PARD6B: variants seen among roughly 807,000 people sequenced by gnomAD.
PARD6B encodes the protein par-6 family cell polarity regulator beta.
In PARD6B, 4 loss-of-function variants were observed where a neutral mutation model predicts 10.5. The observed-to-expected ratio is 0.38, with a 90% CI of 0.19 to 0.87. The LOEUF is 0.87. Ranked by LOEUF, PARD6B falls within the 40% of genes least tolerant of loss-of-function variation. PARD6B has a pLI of 0.41. For synonymous variants in PARD6B, 169 were observed against 170.4 expected (o/e 0.99, Z 0.07); for missense variants, 396 against 470.6 (o/e 0.84, Z 1.47).
Position 50,750,850 on chromosome 20 carries a change from C to T in PARD6B, c.*362C>T. ...CTGTGCAGAGCCCAGTTAATTTTTC[C>T]TTTAACTGTATTTTTAAAATTCTAA... On this transcript the variant is annotated 3_prime_UTR_variant, in exon 3 of 3. Transcript: ENST00000371610. 3 of 1,005,324 alleles carry T rather than the reference C, an allele frequency of 3.0e-6. No individual in the cohort carries two copies. The highest frequency in any genetic ancestry group is 3.6e-6 in the Non-Finnish European group (3 of 841,662). 62.3% of individuals were successfully genotyped at this position (1,005,324 alleles called of 1,614,324 possible).
At position 50,753,613 on chromosome 20, in the gene PARD6B, TGTCA is replaced by T; in HGVS notation, c.*3128_*3131del. On this transcript the variant is annotated 3_prime_UTR_variant, in exon 3 of 3. Transcript: ENST00000371610. Reference sequence around the variant, plus strand: ...TGATACTTTGTTTATAACTATCAAATGTCAGTATTTTACTACAATTTTATTATAA... The same window carrying T: ...TGATACTTTGTTTATAACTATCAAATGTATTTTACTACAATTTTATTATAA... 1.2e-6 allele frequency: 1 copy of T among 811,664 alleles called. No homozygotes were observed. The highest frequency in any genetic ancestry group is 1.5e-6 in the Non-Finnish European group (1 of 671,296). 50.3% of individuals were successfully genotyped at this position (811,664 alleles called of 1,614,324 possible).
intron 2 of PARD6B, among the ~76,000 whole-genome samples, chr20:50,740,184 T>C (rs1348718867): frequency 6.6e-6 from 1 of 152,140 alleles, no homozygotes; most frequent in East Asian, 1.9e-4. Flanking sequence ...AGTTAAAATT[T>C]TGGGAGTAGA....
chr20:50,741,617 G>A (rs142907357), intron 2 of PARD6B, among the ~76,000 whole-genome samples: 9,273 of 151,954 alleles, frequency 0.061, 336 homozygotes, highest in Non-Finnish European at 0.07. Context: ...GTGCAGTGGC[G>A]CGATCTCGGC....
intron 2 of PARD6B, among the ~76,000 whole-genome samples, chr20:50,740,837 C>A (rs1157044567): frequency 6.6e-6 from 1 of 152,156 alleles, no homozygotes; most frequent in Non-Finnish European, 1.5e-5. Flanking sequence ...TTTCCCATTG[C>A]AACCAGAATA....
rs1469559851 is a variant in PARD6B at position 50,751,975 on chromosome 20, C to A, written c.*1487C>A. On this transcript the variant is annotated 3_prime_UTR_variant, in exon 3 of 3. Transcript: ENST00000371610. The stretch of plus-strand genomic sequence containing the variant: ...CATCTCCTCCCAAAGTGCTGGATTG[C>A]AGGCATGAGCGCCTAGCCAGGAAGC... 1 of 985,236 alleles carries A rather than the reference C, an allele frequency of 1.0e-6. No homozygotes were observed. The highest frequency in any genetic ancestry group is 1.2e-6 in the Non-Finnish European group (1 of 829,796). 61.0% of individuals were successfully genotyped at this position (985,236 alleles called of 1,614,324 possible). A position where few individuals can be genotyped will look rare whatever the true frequency, so the allele number is the denominator to read the frequency against.
Position 50,753,045 on chromosome 20 carries a change from A to G in PARD6B, c.*2557A>G. On this transcript the variant is annotated 3_prime_UTR_variant, in exon 3 of 3. Transcript: ENST00000371610. ...AGTGGTGCAGGGGTTCAACATTTTA[A>G]GTAAAAATATTTTTACACACTACCT... 1 of 973,794 alleles carries G rather than the reference A, an allele frequency of 1.0e-6. No individual in the cohort carries two copies. Among genetic ancestry groups the G allele is most frequent in the Non-Finnish European group, 1.2e-6 (1 of 824,372 alleles). The allele number at this position is 973,794 out of a possible 1,614,324, so 60.3% of individuals were successfully genotyped here. A position where few individuals can be genotyped will look rare whatever the true frequency, so the allele number is the denominator to read the frequency against.
chr20:50,745,696 AG>A (rs2087564140), intron 2 of PARD6B, among the ~76,000 whole-genome samples: 1 of 152,176 alleles, frequency 6.6e-6, no homozygotes, highest in Admixed American at 6.5e-5. Context: ...TTGTAGAGAC[AG>A]GGTCCTGCTA....
At position 50,750,787 on chromosome 20, in the gene PARD6B, A is replaced by C; in HGVS notation, c.*299A>C. 8.9e-7 allele frequency: 1 copy of C among 1,124,210 alleles called. No individual in the cohort carries two copies. The highest frequency in any genetic ancestry group is 1.1e-6 in the Non-Finnish European group (1 of 915,894). The allele number at this position is 1,124,210 out of a possible 1,614,324, so 69.6% of individuals were successfully genotyped here. ...ATTCTTGGAACTATGTGAGAAGACT[A>C]GATCATTTCTGTTGGAAGTGGTTGC... is the stretch of plus-strand genomic sequence containing the variant. On this transcript the variant is annotated 3_prime_UTR_variant, in exon 3 of 3. Coordinates refer to ENST00000371610, the MANE Select transcript of PARD6B (RefSeq NM_032521.3).
At chr20:50,741,846 G>A (rs939652680) in intron 2 of PARD6B, among the ~76,000 whole-genome samples, 1 of 150,788 alleles carries the variant, frequency 6.6e-6, no homozygotes, top group Admixed American at 6.6e-5. Flanking sequence ...GCGCCCGGCC[G>A]CACTCTGTCT....
At chr20:50,731,893 G>A (rs2087473103) in intron 1 of PARD6B, 41 bp downstream of exon 1, 1 of 1,376,190 alleles carries the variant, frequency 7.3e-7, no homozygotes, top group Non-Finnish European at 9.3e-7. Flanking sequence ...GGGCCTGGGG[G>A]GCCGGGGCCT....
At chr20:50,737,532 C>CA (rs1317284575) in intron 1 of PARD6B, among the ~76,000 whole-genome samples, 1 of 152,158 alleles carries the variant, frequency 6.6e-6, no homozygotes, top group Non-Finnish European at 1.5e-5. Context: ...GCATTGCCGT[C>CA]AGAGTCTGGG....
At chr20:50,736,651 T>C (rs978809659) in intron 1 of PARD6B, among the ~76,000 whole-genome samples, 12 of 152,088 alleles carry the variant, frequency 7.9e-5, no homozygotes, top group Non-Finnish European at 1.3e-4. Context: ...GTGTTATAAA[T>C]CCTGTTTATC....
intron 2 of PARD6B, among the ~76,000 whole-genome samples, chr20:50,747,624 T>TA (rs1033952507): frequency 5.3e-5 from 8 of 151,236 alleles, no homozygotes; most frequent in African/African-American, 1.9e-4. Flanking sequence ...TTTTTGAAAA[T>TA]ACTATTTTAA....
chr20:50,736,846 A>G (rs530259164), intron 1 of PARD6B, among the ~76,000 whole-genome samples: 1 of 152,132 alleles, frequency 6.6e-6, no homozygotes, highest in African/African-American at 2.4e-5. Context: ...GACTACAGGC[A>G]TGTGCCACCA....
In PARD6B at chr20:50,752,278, C is replaced by T; in HGVS notation, c.*1790C>T. 1 of 984,828 alleles carries T rather than the reference C, an allele frequency of 1.0e-6. No individual in the cohort carries two copies. The highest frequency in any genetic ancestry group is 1.2e-6 in the Non-Finnish European group (1 of 829,750). The allele number at this position is 984,828 out of a possible 1,614,324, so 61.0% of individuals were successfully genotyped here. A position where few individuals can be genotyped will look rare whatever the true frequency, so the allele number is the denominator to read the frequency against. On this transcript the variant is annotated 3_prime_UTR_variant, in exon 3 of 3. Coordinates refer to ENST00000371610, the MANE Select transcript of PARD6B (RefSeq NM_032521.3). ...TATGCATCATTTTGGATAAAAAATACATCCAAATTAAGATGTTTTAACACA... is the reference window on the plus strand; with the variant it reads ...TATGCATCATTTTGGATAAAAAATATATCCAAATTAAGATGTTTTAACACA...
intron 2 of PARD6B, among the ~76,000 whole-genome samples, chr20:50,745,985 A>G (rs2087565691): frequency 6.6e-6 from 1 of 151,936 alleles, no homozygotes; most frequent in Non-Finnish European, 1.5e-5. Context: ...GTGGGGCATA[A>G]TCTTGAACTT....
chr20:50,747,502 T>C (rs2087574992), intron 2 of PARD6B, among the ~76,000 whole-genome samples: 1 of 144,580 alleles, frequency 6.9e-6, no homozygotes, highest in Non-Finnish European at 1.5e-5. Flanking sequence ...TTTTTTTTTT[T>C]TTTTTTTTTT....
rs1342216834 is a variant in PARD6B at position 50,752,782 on chromosome 20, C to T, written c.*2294C>T. ...TCTTGATTACGTGAAGATCACTTGA[C>T]TCAGAATACTTCAATGTATTTTGTT... is the stretch of plus-strand genomic sequence containing the variant. On this transcript the variant is annotated 3_prime_UTR_variant, in exon 3 of 3. Coordinates refer to ENST00000371610, the MANE Select transcript of PARD6B (RefSeq NM_032521.3). The T allele has an allele frequency of 7.2e-6, 7 of 977,174 alleles. No individual in the cohort carries two copies. The African/African-American group carries it at 1.2e-4, about 17-fold the overall frequency. The allele number at this position is 977,174 out of a possible 1,614,324, so 60.5% of individuals were successfully genotyped here.
At chr20:50,742,526 C>T (rs781608257) in intron 2 of PARD6B, among the ~76,000 whole-genome samples, 14 of 151,572 alleles carry the variant, frequency 9.2e-5, no homozygotes, top group African/African-American at 1.5e-4. Context: ...CTACCATGCC[C>T]GGCTAATTTT....
Sources: allele counts gnomAD v4.1 joint callset (sites outside exome capture counted in the v4.1 genomes callset), GRCh38; gene constraint gnomAD v4.1.1; transcripts MANE v1.5; gene names NCBI Gene and HGNC (gene_info 2026-07-23, HGNC 2026-07-21).